Variants in FHIT observed in about 807,000 individuals in gnomAD.
FHIT encodes the protein bis(5'-adenosyl)-triphosphatase.
Under a neutral mutation model 17.9 loss-of-function variants are expected in FHIT, and 19 were observed. That is an observed-to-expected ratio of 1.06 (90% CI 0.74 to 1.56). FHIT has a LOEUF of 1.56. FHIT is among the 40% of genes most tolerant of loss of function. The pLI, the probability that FHIT is intolerant of heterozygous loss-of-function variation, is 0.00. For missense variants in FHIT, 248 were observed against 189.2 expected (o/e 1.31, Z -1.82); for synonymous variants, 81 against 69.7 (o/e 1.16, Z -0.81).
intron 5 of FHIT, among the ~76,000 whole-genome samples, chr3:60,021,122 G>C (rs1026556844): frequency 6.6e-6 from 1 of 152,170 alleles, no homozygotes; most frequent in South Asian, 2.1e-4. Flanking sequence ...GTGTGATTAA[G>C]ATAATGATAA....
At chr3:61,202,599 T>C (rs1428265667) in intron 1 of FHIT, among the ~76,000 whole-genome samples, 2 of 151,360 alleles carry the variant, frequency 1.3e-5, no homozygotes, top group Non-Finnish European at 2.9e-5. Context: ...CTGGAAAAAG[T>C]ATAACAATAT....
At chr3:60,218,646 A>G (rs1478898859) in intron 5 of FHIT, among the ~76,000 whole-genome samples, 2 of 152,136 alleles carry the variant, frequency 1.3e-5, no homozygotes, top group Admixed American at 1.3e-4. Flanking sequence ...TGCAATGACA[A>G]GATGGTGAAT....
At chr3:60,028,539 C>T (rs1325242878) in intron 5 of FHIT, among the ~76,000 whole-genome samples, 1 of 152,208 alleles carries the variant, frequency 6.6e-6, no homozygotes, top group African/African-American at 2.4e-5. Flanking sequence ...TCCCACTGAT[C>T]TTCCAGTGAT....
At chr3:60,819,355 C>T (rs1701848994) in intron 4 of FHIT, among the ~76,000 whole-genome samples, 1 of 152,134 alleles carries the variant, frequency 6.6e-6, no homozygotes, top group South Asian at 2.1e-4. Flanking sequence ...GATAGAACAT[C>T]AATCAATTCT....
chr3:60,466,549 C>G (rs2734388), intron 5 of FHIT, among the ~76,000 whole-genome samples: 75,952 of 151,706 alleles, frequency 0.5, 21,566 homozygotes, highest in African/African-American at 0.76. Flanking sequence ...TATGTTCCTT[C>G]TATACACAGT....
At chr3:60,125,598 A>C (rs1307393040) in intron 5 of FHIT, among the ~76,000 whole-genome samples, 1 of 149,688 alleles carries the variant, frequency 6.7e-6, no homozygotes, top group Non-Finnish European at 1.5e-5. Flanking sequence ...TGCCATTGCG[A>C]CAGAACAAGA....
chr3:60,776,547 A>C (rs553354249), intron 4 of FHIT, among the ~76,000 whole-genome samples: 1 of 152,156 alleles, frequency 6.6e-6, no homozygotes. Context: ...GAGGTTACAA[A>C]CTGCTTTTTG....
At chr3:60,748,578 G>A (rs533999707) in intron 4 of FHIT, among the ~76,000 whole-genome samples, 12 of 152,130 alleles carry the variant, frequency 7.9e-5, no homozygotes, top group African/African-American at 2.4e-4. Context: ...TTGGGAGGCC[G>A]AGGTGGGCGG....
intron 3 of FHIT, among the ~76,000 whole-genome samples, chr3:60,839,411 T>C (rs1553744496): frequency 6.6e-6 from 1 of 152,148 alleles, no homozygotes; most frequent in Non-Finnish European, 1.5e-5. Flanking sequence ...CTGTGACCAG[T>C]GAGTGAAGCA....
intron 2 of FHIT, among the ~76,000 whole-genome samples, chr3:61,089,027 T>C (rs910004350): frequency 3.9e-5 from 6 of 152,168 alleles, no homozygotes; most frequent in Non-Finnish European, 7.4e-5. Flanking sequence ...CATCAGTATA[T>C]ATTCCCTTAG....
chr3:60,730,673 A>T (rs1304291502), intron 4 of FHIT: 1 of 152,434 alleles, frequency 6.6e-6, no homozygotes, highest in Non-Finnish European at 1.5e-5. Flanking sequence ...CAGGACTCGC[A>T]CTGCGGCCTC....
At chr3:59,802,300 C>T (rs1255013702) in intron 8 of FHIT, among the ~76,000 whole-genome samples, 1 of 152,188 alleles carries the variant, frequency 6.6e-6, no homozygotes, top group African/African-American at 2.4e-5. Flanking sequence ...CCAACAGTTT[C>T]CTTTTAATAC....
chr3:60,361,598 C>T (rs78261420), intron 5 of FHIT, among the ~76,000 whole-genome samples: 3,087 of 152,184 alleles, frequency 0.02, 66 homozygotes, highest in African/African-American at 0.054. Flanking sequence ...TGGGCAACTA[C>T]TGAGTCAGTT....
intron 7 of FHIT, among the ~76,000 whole-genome samples, chr3:59,999,641 T>G (rs979178351): frequency 6.6e-6 from 1 of 152,050 alleles, no homozygotes; most frequent in African/African-American, 2.4e-5. Flanking sequence ...GTCACCTAAT[T>G]TTTTTCAGGC....
chr3:60,844,449 G>T (rs556923660), intron 3 of FHIT, among the ~76,000 whole-genome samples: 1 of 152,104 alleles, frequency 6.6e-6, no homozygotes, highest in African/African-American at 2.4e-5. Context: ...GTAAAGGCCC[G>T]ATGATAAAAC....
chr3:60,002,840 T>C (rs952574033), intron 7 of FHIT, among the ~76,000 whole-genome samples: 5 of 152,090 alleles, frequency 3.3e-5, no homozygotes, highest in Non-Finnish European at 5.9e-5. Flanking sequence ...AAGAATCAAG[T>C]CCAGGTCATC....
chr3:60,517,226 T>C (rs2035192911), intron 5 of FHIT, among the ~76,000 whole-genome samples: 2 of 152,234 alleles, frequency 1.3e-5, no homozygotes, highest in African/African-American at 2.4e-5. Context: ...ATTTCATTTT[T>C]AAAAATTGAT....
intron 5 of FHIT, among the ~76,000 whole-genome samples, chr3:60,084,057 C>A (rs907844585): frequency 1.3e-5 from 2 of 152,146 alleles, no homozygotes; most frequent in Admixed American, 6.5e-5. Context: ...CTTTTTATAG[C>A]AATATCACTT....
intron 5 of FHIT, among the ~76,000 whole-genome samples, chr3:60,350,909 C>A (rs1272584629): frequency 6.6e-6 from 1 of 152,198 alleles, no homozygotes; most frequent in Non-Finnish European, 1.5e-5. Flanking sequence ...ACTCGAGAGT[C>A]TCTCTCCCTT....
Sources: gnomAD v4.1 joint callset for allele counts (sites outside exome capture counted in the v4.1 genomes callset) on GRCh38, gnomAD v4.1.1 for gene constraint, MANE v1.5 for transcripts, NCBI Gene and HGNC (gene_info 2026-07-23, HGNC 2026-07-21) for gene names.